CSMD3: variants seen among roughly 807,000 people sequenced by gnomAD.
The protein encoded by CSMD3 is CUB and sushi domain-containing protein 3.
Under a neutral mutation model 435.2 loss-of-function variants are expected in CSMD3, and 177 were observed. The observed-to-expected ratio is 0.41, with a 90% CI of 0.36 to 0.46. The LOEUF is 0.46. CSMD3 is among the 20% of genes least tolerant of loss of function. The pLI is 0.34. For synonymous variants in CSMD3, 1,656 were observed against 1,520.5 expected, an observed-to-expected ratio of 1.09 and a Z score of -2.07; for missense variants, 4,265 against 4,504.6, an observed-to-expected ratio of 0.95 and a Z score of 1.52.
At chr8:113,039,707 G>T (rs1003153886) in intron 5 of CSMD3, among the ~76,000 whole-genome samples, 1 of 152,156 alleles carries the variant, frequency 6.6e-6, no homozygotes, top group Non-Finnish European at 1.5e-5. Flanking sequence ...AACAAAAATT[G>T]TATCAGGACT....
chr8:113,326,760 C>T (rs1459557425), intron 1 of CSMD3, among the ~76,000 whole-genome samples: 1 of 152,052 alleles, frequency 6.6e-6, no homozygotes, highest in Non-Finnish European at 1.5e-5. Context: ...TATTTTCACA[C>T]AAAATTAATT....
intron 9 of CSMD3, among the ~76,000 whole-genome samples, chr8:112,940,119 T>C (rs1452911258): frequency 6.6e-6 from 1 of 151,946 alleles, no homozygotes; most frequent in African/African-American, 2.4e-5. Context: ...AAAATGACTT[T>C]ATATTCAAAA....
At chr8:113,058,554 A>T (rs1014825761) in intron 5 of CSMD3, among the ~76,000 whole-genome samples, 1 of 151,992 alleles carries the variant, frequency 6.6e-6, no homozygotes, top group Non-Finnish European at 1.5e-5. Context: ...AAGTCAATTT[A>T]TTCATTAGCA....
rs2074678863 is a variant in CSMD3, at chr8:112,636,975, C to T, written c.3557G>A (p.Gly1186Asp). The change falls in exon 22 of 71, where the codon GGC becomes GAC. Residue 1186 changes from glycine to aspartate, a missense_variant. Around this residue, in one of 3 missense-constraint regions of CSMD3, gnomAD observed 3,255 missense variants for 3,380.2 expected, o/e 0.96. Transcript: ENST00000297405. ...GATTCGACTACCATATTGAGGAATG[C>T]CAGGATCTTCACAAGGTTCAAGGTT... ...EYNLEPCEDP[G>D]IPQYGSRIGF... The T allele has an allele frequency of 6.2e-7, 1 of 1,613,540 alleles. No individual in the cohort carries two copies. Among genetic ancestry groups the T allele is most frequent in the Non-Finnish European group, 8.5e-7 (1 of 1,179,728 alleles).
intron 31 of CSMD3, among the ~76,000 whole-genome samples, chr8:112,482,357 T>C (rs961717554): frequency 1.3e-5 from 2 of 152,248 alleles, no homozygotes; most frequent in African/African-American, 4.8e-5. Flanking sequence ...GTGACTCATT[T>C]TGTACCCCAA....
At chr8:112,383,049 A>G (rs960415633) in intron 37 of CSMD3, among the ~76,000 whole-genome samples, 5 of 152,306 alleles carry the variant, frequency 3.3e-5, no homozygotes, top group African/African-American at 1.2e-4. Flanking sequence ...CATCTTACAT[A>G]AAAATATAAG....
At chr8:112,923,291 CCCTGTTTCACTCAGAATAAAGGATCA>C (rs2082803471) in intron 9 of CSMD3, among the ~76,000 whole-genome samples, 1 of 152,112 alleles carries the variant, frequency 6.6e-6, no homozygotes, top group Admixed American at 6.6e-5. Flanking sequence ...AATTTCCCAT[CCCTGTTTCACTCAGAATAAAGGATCA>C]CCTGTTTCAC....
chr8:112,244,356 A>G, intron 65 of CSMD3, 38 bp downstream of exon 65: 1 of 1,533,656 alleles, frequency 6.5e-7, no homozygotes, highest in Non-Finnish European at 9.0e-7. Flanking sequence ...CAATAGTGCA[A>G]TCTCTTGTGT....
Position 112,896,306 on chromosome 8 carries a change from G to A in CSMD3, c.1633+25321C>T, listed in dbSNP as rs749815513. Among the ~76,000 whole-genome samples, 13 of 151,348 alleles carry A rather than the reference G, an allele frequency of 8.6e-5. 1 individual carries two copies. The highest frequency in any genetic ancestry group is 2.0e-4 in the East Asian group (1 of 5,110). Reference sequence around the variant, plus strand: ...CCTGAGAATAAGAGAAACTTGAGACGATTCCAGCTCCCAGCTTTGGAGCTG... The same window carrying A: ...CCTGAGAATAAGAGAAACTTGAGACAATTCCAGCTCCCAGCTTTGGAGCTG... On this transcript the variant is annotated intron_variant, in intron 10 of 70. Coordinates refer to ENST00000297405, the MANE Select transcript of CSMD3 (RefSeq NM_198123.2).
chr8:113,210,793 C>T (rs898726194), intron 3 of CSMD3, among the ~76,000 whole-genome samples: 4 of 151,962 alleles, frequency 2.6e-5, no homozygotes, highest in African/African-American at 7.3e-5. Flanking sequence ...AGGAGAATCA[C>T]TTGGACCCAG....
intron 27 of CSMD3, among the ~76,000 whole-genome samples, chr8:112,529,548 G>A (rs928221232): frequency 2.6e-5 from 4 of 152,008 alleles, no homozygotes; most frequent in Non-Finnish European, 4.4e-5. Flanking sequence ...TAAGCATGCC[G>A]CTGCACTCCA....
At chr8:113,405,210 G>A (rs748568048) in intron 1 of CSMD3, among the ~76,000 whole-genome samples, 3 of 151,430 alleles carry the variant, frequency 2.0e-5, no homozygotes, top group African/African-American at 4.8e-5. Flanking sequence ...TAATATTAAG[G>A]CTAAATTATA....
chr8:112,727,021 A>G (rs1440623355), intron 13 of CSMD3, among the ~76,000 whole-genome samples: 1 of 151,888 alleles, frequency 6.6e-6, no homozygotes, highest in Non-Finnish European at 1.5e-5. Context: ...TGCTTCTTAA[A>G]TTTATTTAGC....
At chr8:112,326,537 T>G (rs987072025) in intron 45 of CSMD3, among the ~76,000 whole-genome samples, 3 of 152,178 alleles carry the variant, frequency 2.0e-5, no homozygotes, top group African/African-American at 7.2e-5. Context: ...ATATTACCAG[T>G]TAAGAGGGAG....
chr8:113,349,643 C>T (rs1387263228), intron 1 of CSMD3, among the ~76,000 whole-genome samples: 1 of 151,906 alleles, frequency 6.6e-6, no homozygotes, highest in Non-Finnish European at 1.5e-5. Flanking sequence ...AATTTTAATC[C>T]TTATATATCT....
intron 11 of CSMD3, among the ~76,000 whole-genome samples, chr8:112,857,678 T>C (rs2080701419): frequency 6.6e-6 from 1 of 151,776 alleles, no homozygotes; most frequent in Non-Finnish European, 1.5e-5. Flanking sequence ...ACAAGTTATT[T>C]ATAGGCTTGC....
intron 10 of CSMD3, among the ~76,000 whole-genome samples, chr8:112,917,376 AG>A (rs1185252600): frequency 6.6e-6 from 1 of 151,958 alleles, no homozygotes; most frequent in Non-Finnish European, 1.5e-5. Context: ...GAATTTTTGT[AG>A]GAGGTGAAAA....
intron 4 of CSMD3, among the ~76,000 whole-genome samples, chr8:113,122,929 T>C (rs779987606): frequency 2.7e-5 from 4 of 149,694 alleles, no homozygotes; most frequent in Non-Finnish European, 4.5e-5. Flanking sequence ...AGGAGGAAGC[T>C]AGGAAATAAG....
chr8:112,430,085 T>G (rs541697781), intron 32 of CSMD3, among the ~76,000 whole-genome samples: 1 of 152,140 alleles, frequency 6.6e-6, no homozygotes, highest in South Asian at 2.1e-4. Flanking sequence ...GTCCTACACA[T>G]CCAAGGCTGG....
Sources: gnomAD v4.1 joint callset for allele counts (sites outside exome capture counted in the v4.1 genomes callset) on GRCh38, gnomAD v4.1.1 for gene constraint, gnomAD v4.1.1 regional missense constraint, MANE v1.5 for transcripts, NCBI Gene and HGNC (gene_info 2026-07-23, HGNC 2026-07-21) for gene names.